Variants in ACTN2 observed in about 807,000 individuals in gnomAD.
The protein encoded by ACTN2 is alpha-actinin-2.
A neutral mutation model predicts 113.8 loss-of-function variants in ACTN2; 39 were observed. That is an observed-to-expected ratio of 0.34 (90% CI 0.27 to 0.45). The LOEUF is 0.45. ACTN2 is among the 20% of genes least tolerant of loss of function. The pLI, the probability that ACTN2 is intolerant of heterozygous loss-of-function variation, is 1.00. For missense variants in ACTN2, 992 were observed against 1,177.9 expected (o/e 0.84, Z 2.31); for synonymous variants, 429 against 444.1 (o/e 0.97, Z 0.43).
intron 1 of ACTN2, among the ~76,000 whole-genome samples, chr1:236,717,356 G>A (rs1010617910): frequency 4.6e-5 from 7 of 152,108 alleles, no homozygotes; most frequent in African/African-American, 1.4e-4. Flanking sequence ...AGGATCAGTT[G>A]AGCCTGGGAG....
chr1:236,758,406 C>T (rs1659611301), intron 18 of ACTN2, among the ~76,000 whole-genome samples: 1 of 151,022 alleles, frequency 6.6e-6, no homozygotes, highest in South Asian at 2.1e-4. Context: ...CTGCCTCAGC[C>T]TCCCTAGTAT....
intron 10 of ACTN2, among the ~76,000 whole-genome samples, chr1:236,741,440 G>C (rs1175681875): frequency 6.6e-6 from 1 of 152,242 alleles, no homozygotes; most frequent in Non-Finnish European, 1.5e-5. Flanking sequence ...TATCCACCTG[G>C]ATATATTATA....
chr1:236,747,636 G>C, intron 12 of ACTN2, 31 bp from the exon 13 acceptor site: 3 of 1,588,014 alleles, frequency 1.9e-6, no homozygotes, highest in Non-Finnish European at 2.6e-6. Flanking sequence ...ATCTGGGAAA[G>C]TTAATCTTTA....
At chr1:236,711,642 G>A (rs770329089) in intron 1 of ACTN2, among the ~76,000 whole-genome samples, 1 of 152,204 alleles carries the variant, frequency 6.6e-6, no homozygotes, top group Admixed American at 6.5e-5. Context: ...GAGCCACCAC[G>A]CTTGGCCAGG....
At chr1:236,686,873 C>T (rs1006877564) in intron 1 of ACTN2, 74 bp downstream of exon 1, 22 of 1,294,542 alleles carry the variant, frequency 1.7e-5, no homozygotes, top group Non-Finnish European at 2.0e-5. Context: ...CGCGTGGCCG[C>T]GTGGCCTGGC....
At chr1:236,716,561 T>C (rs1658218948) in intron 1 of ACTN2, among the ~76,000 whole-genome samples, 1 of 152,202 alleles carries the variant, frequency 6.6e-6, no homozygotes, top group Non-Finnish European at 1.5e-5. Flanking sequence ...ATGACTGGAC[T>C]GTGATCCCTT....
rs551141480 is a variant in ACTN2 at position 236,686,695 on chromosome 1, G to T, written c.22G>T (p.Val8Leu). ...CGCCATGAACCAGATAGAGCCCGGC[G>T]TGCAGTACAACTACGTGTACGACGA... MNQIEPG[V>L]QYNYVYDEDE... is the part of the protein sequence containing the mutation. The change falls in exon 1 of 21, where the codon GTG becomes TTG. Residue 8 changes from valine (V) to leucine (L), a missense_variant. Val to Leu is a conservative substitution (Grantham distance 32, BLOSUM62 1). Coordinates refer to ENST00000366578, the MANE Select transcript of ACTN2 (RefSeq NM_001103.4). 6.4e-7 allele frequency: 1 copy of T among 1,566,542 alleles called. No homozygotes were observed. The highest frequency in any genetic ancestry group is 1.8e-5 in the Admixed American group (1 of 55,204).
chr1:236,734,535 T>C lies in ACTN2; in HGVS notation c.698-1100T>C, dbSNP rs1572128091. ...GCACAGAAGGTGAGGATGTAAACCA[T>C]GAGTCACTGCTCACCCTTCACCTTC... On this transcript the variant is annotated intron_variant, in intron 7 of 20. Transcript: ENST00000366578. 4.0e-6 allele frequency: 6 copies of C among 1,504,550 alleles called. No homozygotes were observed. In the East Asian group the frequency reaches 7.4e-5, roughly 18 times the overall value. The allele number at this position is 1,504,550 out of a possible 1,614,324, so 93.2% of individuals were successfully genotyped here. A position where few individuals can be genotyped will look rare whatever the true frequency, so the allele number is the denominator to read the frequency against.
At chr1:236,708,566 C>T (rs1012279226) in intron 1 of ACTN2, among the ~76,000 whole-genome samples, 2 of 152,186 alleles carry the variant, frequency 1.3e-5, no homozygotes, top group Non-Finnish European at 2.9e-5. Flanking sequence ...GATGCCAACA[C>T]TCTCTAAACG....
intron 4 of ACTN2, among the ~76,000 whole-genome samples, chr1:236,724,064 T>C (rs890569812): frequency 1.1e-4 from 16 of 152,148 alleles, no homozygotes; most frequent in African/African-American, 3.1e-4. Context: ...ACAGCCGACC[T>C]TTATTTTCTC....
At chr1:236,733,279 C>A (rs1377531964) in intron 7 of ACTN2, among the ~76,000 whole-genome samples, 1 of 152,132 alleles carries the variant, frequency 6.6e-6, no homozygotes, top group South Asian at 2.1e-4. Context: ...TTCATGCCTC[C>A]CTAGTATCCT....
At chr1:236,712,512 C>T (rs1338301491) in intron 1 of ACTN2, among the ~76,000 whole-genome samples, 1 of 152,206 alleles carries the variant, frequency 6.6e-6, no homozygotes, top group South Asian at 2.1e-4. Context: ...TGGTAAATTA[C>T]CTTCATTGTA....
chr1:236,693,627 C>T (rs1018530223), intron 1 of ACTN2, among the ~76,000 whole-genome samples: 95 of 152,318 alleles, frequency 6.2e-4, no homozygotes, highest in African/African-American at 2.1e-3. Flanking sequence ...GTCACCACCT[C>T]CCGTGGAGTC....
chr1:236,719,113 T>C (rs532583106), intron 3 of ACTN2, 100 bp downstream of exon 3: 1 of 1,519,992 alleles, frequency 6.6e-7, no homozygotes, highest in African/African-American at 1.4e-5. Flanking sequence ...CTTTCACCAT[T>C]TACTGTACCT....
At chr1:236,743,460 G>A (rs1659133078) in intron 11 of ACTN2, among the ~76,000 whole-genome samples, 1 of 152,154 alleles carries the variant, frequency 6.6e-6, no homozygotes, top group Non-Finnish European at 1.5e-5. Flanking sequence ...ATCTGGGAGG[G>A]AGGATGCAAG....
In ACTN2 at chr1:236,754,218, G is replaced by T. The variant is rs559428665; in HGVS notation, c.1974+137G>T. The T allele has an allele frequency of 6.7e-6, 8 of 1,195,278 alleles. No individual in the cohort carries two copies. The highest frequency in any genetic ancestry group is 9.6e-6 in the Non-Finnish European group (8 of 832,200). The allele number at this position is 1,195,278 out of a possible 1,614,324, so 74.0% of individuals were successfully genotyped here. ...GGGAGCACCGTTCTGTTATCACCCCGGCTTTATCTTTCAGCCCCTGGCTGT... is the reference window on the plus strand; with the variant it reads ...GGGAGCACCGTTCTGTTATCACCCCTGCTTTATCTTTCAGCCCCTGGCTGT... On this transcript the variant is annotated intron_variant, in intron 16 of 20. Coordinates refer to ENST00000366578, the MANE Select transcript of ACTN2 (RefSeq NM_001103.4). The surrounding 1 kb of genome is among the most constrained non-coding windows in gnomAD (Gnocchi z 4.9).
chr1:236,715,318 C>G (rs1658158364), intron 1 of ACTN2, among the ~76,000 whole-genome samples: 1 of 113,982 alleles, frequency 8.8e-6, no homozygotes, highest in East Asian at 3.2e-4. Flanking sequence ...TCCCCCCACC[C>G]TGTTACCACT....
intron 17 of ACTN2, 149 bp downstream of exon 17, chr1:236,755,347 T>C (rs1659523607): frequency 1.1e-6 from 1 of 907,480 alleles, no homozygotes; most frequent in Non-Finnish European, 1.8e-6. Context: ...TTCCAGTCAC[T>C]ATTTGTGGAA....
chr1:236,694,855 A>G (rs536908554), intron 1 of ACTN2, among the ~76,000 whole-genome samples: 17 of 151,644 alleles, frequency 1.1e-4, no homozygotes, highest in African/African-American at 3.6e-4. Context: ...TCTTGAGGCT[A>G]GGAGTTAGAG....
Sources: allele counts gnomAD v4.1 joint callset (sites outside exome capture counted in the v4.1 genomes callset), GRCh38; gene constraint gnomAD v4.1.1; non-coding constraint Gnocchi (gnomAD v3.1); transcripts MANE v1.5; gene names NCBI Gene and HGNC (gene_info 2026-07-23, HGNC 2026-07-21).